TAF12: variants seen among roughly 807,000 people sequenced by gnomAD.
TAF12 encodes the protein TATA-box binding protein associated factor 12, also known as transcription initiation factor TFIID subunit 12.
A neutral mutation model predicts 20.8 loss-of-function variants in TAF12; 3 were observed. The observed-to-expected ratio is 0.14, with a 90% CI of 0.07 to 0.37. The LOEUF (loss-of-function observed/expected upper bound fraction) is 0.37. Ranked by LOEUF, TAF12 falls within the 10% of genes least tolerant of loss-of-function variation. The pLI, the probability that TAF12 is intolerant of heterozygous loss-of-function variation, is 1.00. For missense variants in TAF12, 131 were observed against 197.9 expected (o/e 0.66, Z 2.03); for synonymous variants, 69 against 70.2 (o/e 0.98, Z 0.09).
chr1:28,612,888 C>T lies in TAF12; in HGVS notation c.361+359G>A, dbSNP rs568447373. Among the ~76,000 whole-genome samples the T allele has an allele frequency of 3.9e-5, 6 of 152,272 alleles. No homozygotes were observed. In the South Asian group the frequency reaches 1.2e-3, roughly 32 times the overall value. ...TACATTGACTAGATCCTACTTTGTG[C>T]AGGCCCTGTGCCAGTCACTTTACAG... On this transcript the variant is annotated intron_variant, in intron 4 of 5. Transcript: ENST00000373824.
chr1:28,640,611 G>C (rs1002821107), intron 1 of TAF12, among the ~76,000 whole-genome samples: 2 of 152,164 alleles, frequency 1.3e-5, no homozygotes, highest in African/African-American at 2.4e-5. Flanking sequence ...TCGTTAGTCT[G>C]AGTAGGTTTC....
intron 1 of TAF12, among the ~76,000 whole-genome samples, chr1:28,623,289 A>C (rs1016341845): frequency 6.6e-6 from 1 of 152,060 alleles, no homozygotes; most frequent in African/African-American, 2.4e-5. Flanking sequence ...TGGGAGGCCG[A>C]GGTGGGTGGA....
intron 5 of TAF12, 78 bp downstream of exon 5, chr1:28,605,294 G>A: frequency 6.8e-7 from 1 of 1,472,436 alleles, no homozygotes. Flanking sequence ...CCCCTAGAAG[G>A]TAGCTGTGTG....
Position 28,611,280 on chromosome 1 carries a change from G to A in TAF12, c.361+1967C>T, listed in dbSNP as rs190076354. Among the ~76,000 whole-genome samples, 522 of 152,156 alleles carry A rather than the reference G, an allele frequency of 3.4e-3. 2 individuals are homozygous for A. Among genetic ancestry groups the A allele is most frequent in the Middle Eastern group, 0.014 (4 of 294 alleles). On this transcript the variant is annotated intron_variant, in intron 4 of 5. Coordinates refer to ENST00000373824, the MANE Select transcript of TAF12 (RefSeq NM_005644.4). ...CAGAATGGGAGGGTTGGGAGGGACG[G>A]AGGGAGACGCCTGCAGAATCCCACC...
At position 28,613,318 on chromosome 1, in the gene TAF12, G is replaced by A. The variant is rs755154546; in HGVS notation, c.290C>T (p.Thr97Ile). 6.2e-7 allele frequency: 1 copy of A among 1,612,204 alleles called. No homozygotes were observed. Among genetic ancestry groups the A allele is most frequent in the Admixed American group, 1.7e-5 (1 of 59,730 alleles). The change falls in exon 4 of 6, where the codon ACA (threonine) becomes ATA (isoleucine). Residue 97 changes from threonine to isoleucine, a missense_variant. Physicochemically the swap from Thr to Ile is moderately conservative, Grantham distance 89 (BLOSUM62 -1). Around this residue, in one of 3 missense-constraint regions of TAF12, gnomAD observed 60 missense variants for 90.2 expected, o/e 0.66. Transcript: ENST00000373824. ...IADDFIESVV[T>I]AACQLARHRK... ...ATGCCGCGCAAGCTGACAGGCTGCTGTCACCACACTCTCGATAAAATCATC... is the reference window on the plus strand; with the variant it reads ...ATGCCGCGCAAGCTGACAGGCTGCTATCACCACACTCTCGATAAAATCATC...
intron 1 of TAF12, among the ~76,000 whole-genome samples, chr1:28,624,616 A>C (rs1329610197): frequency 6.6e-6 from 1 of 151,984 alleles, no homozygotes; most frequent in Non-Finnish European, 1.5e-5. Context: ...GCATGGTGGC[A>C]CGTGCCTGTA....
upstream of TAF12, among the ~76,000 whole-genome samples, chr1:28,646,818 C>T (rs1197879100): frequency 6.6e-6 from 1 of 151,616 alleles, no homozygotes; most frequent in African/African-American, 2.4e-5. Flanking sequence ...CCTGCCTCAG[C>T]CTCCCGAGTA....
intron 1 of TAF12, among the ~76,000 whole-genome samples, chr1:28,638,966 G>A (rs1016546835): frequency 6.6e-6 from 1 of 150,590 alleles, no homozygotes; most frequent in African/African-American, 2.4e-5. Context: ...TTTTTGTATT[G>A]TTAGTAGAGA....
At chr1:28,623,963 G>C (rs1667302348) in intron 1 of TAF12, 5 of 985,804 alleles carry the variant, frequency 5.1e-6, no homozygotes, top group Non-Finnish European at 6.0e-6. Flanking sequence ...TGAGTGTCTA[G>C]ATCTTTAATT....
intron 1 of TAF12, among the ~76,000 whole-genome samples, chr1:28,628,675 T>TA (rs567338088): frequency 9.9e-4 from 145 of 146,296 alleles, no homozygotes; most frequent in South Asian, 3.7e-3. Context: ...ATAAAGACTT[T>TA]AAAAAAAAAA....
At chr1:28,625,720 T>C (rs1302942415) in intron 1 of TAF12, among the ~76,000 whole-genome samples, 1 of 151,930 alleles carries the variant, frequency 6.6e-6, no homozygotes, top group Non-Finnish European at 1.5e-5. Flanking sequence ...TTTTTGTATT[T>C]TTAGTAGAGA....
intron 3 of TAF12, among the ~76,000 whole-genome samples, chr1:28,616,395 CA>C (rs534264411): frequency 0.012 from 895 of 73,140 alleles, 2 homozygotes; most frequent in Middle Eastern, 0.027. Flanking sequence ...GATTCTGTCT[CA>C]AAAAAAAAAA....
chr1:28,610,236 C>T lies in TAF12; in HGVS notation c.361+3011G>A, dbSNP rs566039435. Among the ~76,000 whole-genome samples the T allele has an allele frequency of 4.0e-4, 60 of 151,420 alleles. No homozygotes were observed. In the South Asian group the frequency reaches 8.8e-3, roughly 22 times the overall value. On this transcript the variant is annotated intron_variant, in intron 4 of 5. Coordinates refer to ENST00000373824, the MANE Select transcript of TAF12 (RefSeq NM_005644.4). The stretch of plus-strand genomic sequence containing the variant: ...ACCTGCCTCGGCCTCACAAAGTGCT[C>T]GGATTACAGGCGTGAGCCACTGCGC...
intron 3 of TAF12, among the ~76,000 whole-genome samples, chr1:28,614,492 T>C (rs888603470): frequency 6.6e-6 from 1 of 151,818 alleles, no homozygotes; most frequent in Admixed American, 6.6e-5. Flanking sequence ...GAGACCAGCC[T>C]GACCAACATG....
intron 3 of TAF12, 33 bp downstream of exon 3, chr1:28,617,920 G>A: frequency 6.2e-7 from 1 of 1,604,506 alleles, no homozygotes; most frequent in Non-Finnish European, 8.5e-7. Flanking sequence ...GGTTCTCAGG[G>A]ACCAGTTTCT....
chr1:28,642,081 T>G (rs1668054069), intron 1 of TAF12, among the ~76,000 whole-genome samples: 1 of 152,254 alleles, frequency 6.6e-6, no homozygotes, highest in South Asian at 2.1e-4. Flanking sequence ...CAGGGTTGAG[T>G]GGAATGGGAT....
At position 28,643,012 on chromosome 1, in the gene TAF12, C is replaced by T; in HGVS notation, c.-105G>A. 1 of 986,008 alleles carries T rather than the reference C, an allele frequency of 1.0e-6. No individual in the cohort carries two copies. The highest frequency in any genetic ancestry group is 4.7e-5 in the South Asian group (1 of 21,290). 61.1% of individuals were successfully genotyped at this position (986,008 alleles called of 1,614,324 possible). A position where few individuals can be genotyped will look rare whatever the true frequency, so the allele number is the denominator to read the frequency against. On this transcript the variant is annotated 5_prime_UTR_variant, in exon 1 of 6. Transcript: ENST00000373824. The stretch of plus-strand genomic sequence containing the variant: ...CTCACAGGCAGCAGCGTCTATCTCC[C>T]CATGATATGCAGAGACTGCCCCAGT...
chr1:28,607,577 C>T (rs1666710195), intron 4 of TAF12, among the ~76,000 whole-genome samples: 1 of 152,086 alleles, frequency 6.6e-6, no homozygotes, highest in African/African-American at 2.4e-5. Flanking sequence ...GAGGCTGAGG[C>T]AGGAGAATCA....
intron 1 of TAF12, among the ~76,000 whole-genome samples, chr1:28,627,391 GAAA>G (rs771889346): frequency 3.1e-5 from 2 of 63,632 alleles, no homozygotes; most frequent in Non-Finnish European, 3.5e-5. Flanking sequence ...CCGTCTCAAA[GAAA>G]AAAAAAAAAA....
Sources: gnomAD v4.1 joint callset for allele counts (sites outside exome capture counted in the v4.1 genomes callset) on GRCh38, gnomAD v4.1.1 for gene constraint, gnomAD v4.1.1 regional missense constraint, MANE v1.5 for transcripts, NCBI Gene and HGNC (gene_info 2026-07-23, HGNC 2026-07-21) for gene names.